Variants in GAS2L3 observed in about 807,000 individuals in gnomAD.
The protein encoded by GAS2L3 is growth arrest specific 2 like 3, also known as GAS2-like protein 3.
GAS2L3 carries 28 observed loss-of-function variants against 37.0 expected under a neutral mutation model. That is an observed-to-expected ratio of 0.76 (90% confidence interval 0.56 to 1.04). The LOEUF is 1.04. GAS2L3 is among the 50% of genes least tolerant of loss of function. The probability of loss-of-function intolerance (pLI) is 0.00; values close to 1 mark genes in which losing one functional copy is unlikely to be tolerated. For missense variants in GAS2L3, 793 were observed against 817.6 expected, an observed-to-expected ratio of 0.97 and a Z score of 0.37; for synonymous variants, 290 against 296.6, an observed-to-expected ratio of 0.98 and a Z score of 0.23.
rs761573279 is a variant in GAS2L3, at chr12:100,594,927, GTTTT to G, written c.18+9_18+12del. ...ACTATGCAGCCTGCAATTCAAGTAAGTTTTTTTCTTGGAAACAATATTTAAATTA... is the reference window on the plus strand; with the variant it reads ...ACTATGCAGCCTGCAATTCAAGTAAGTTTCTTGGAAACAATATTTAAATTA... On this transcript the variant is annotated splice_donor_region_variant and intron_variant, in intron 3 of 9. Coordinates refer to ENST00000547754, the MANE Select transcript of GAS2L3 (RefSeq NM_174942.3). 4 of 1,331,540 alleles carry G rather than the reference GTTTT, an allele frequency of 3.0e-6. No individual in the cohort carries two copies. Among genetic ancestry groups the G allele is most frequent in the Non-Finnish European group, 4.1e-6 (4 of 974,556 alleles). 82.5% of individuals were successfully genotyped at this position (1,331,540 alleles called of 1,614,324 possible). A position where few individuals can be genotyped will look rare whatever the true frequency, so the allele number is the denominator to read the frequency against.
At chr12:100,613,256 A>T (rs1956147550) in intron 6 of GAS2L3, among the ~76,000 whole-genome samples, 1 of 152,216 alleles carries the variant, frequency 6.6e-6, no homozygotes. Context: ...CCTGAAGGTC[A>T]GTATAGGACT....
intron 1 of GAS2L3, among the ~76,000 whole-genome samples, chr12:100,585,144 C>T (rs1390435974): frequency 4.6e-5 from 7 of 150,834 alleles, no homozygotes; most frequent in Non-Finnish European, 8.8e-5. Context: ...CATGATCTGC[C>T]TGCCTTGGCC....
intron 3 of GAS2L3, 54 bp downstream of exon 3, chr12:100,594,976 C>A: frequency 3.7e-6 from 3 of 804,096 alleles, no homozygotes; most frequent in Non-Finnish European, 5.7e-6. Context: ...TATAATTGAA[C>A]TGTAATAATT....
At chr12:100,579,020 C>T (rs1955674063) in intron 1 of GAS2L3, 4 of 812,000 alleles carry the variant, frequency 4.9e-6, no homozygotes, top group South Asian at 2.7e-5. Context: ...CTATTACTTG[C>T]CTCTGAAAGT....
intron 1 of GAS2L3, among the ~76,000 whole-genome samples, chr12:100,587,226 A>G (rs1346675590): frequency 6.6e-6 from 1 of 152,228 alleles, no homozygotes; most frequent in South Asian, 2.1e-4. Context: ...AACTCATTCT[A>G]TGTAGCCAGC....
At chr12:100,607,829 T>C (rs1373721734) in intron 5 of GAS2L3, among the ~76,000 whole-genome samples, 1 of 152,162 alleles carries the variant, frequency 6.6e-6, no homozygotes, top group Non-Finnish European at 1.5e-5. Flanking sequence ...CTCTGTGTTA[T>C]CTTGAATTTA....
intron 3 of GAS2L3, among the ~76,000 whole-genome samples, chr12:100,595,776 G>A (rs559700205): frequency 6.6e-6 from 1 of 152,034 alleles, no homozygotes; most frequent in Non-Finnish European, 1.5e-5. Flanking sequence ...TAACTTGAGG[G>A]TAGTTTTGAG....
intron 1 of GAS2L3, among the ~76,000 whole-genome samples, chr12:100,584,935 C>G (rs1955760671): frequency 7.8e-6 from 1 of 127,678 alleles, no homozygotes; most frequent in Non-Finnish European, 1.6e-5. Context: ...GTTGCCTAGG[C>G]TGGAGTGCTG....
chr12:100,590,220 G>GA (rs1430427498), intron 1 of GAS2L3, among the ~76,000 whole-genome samples: 1 of 152,040 alleles, frequency 6.6e-6, no homozygotes, highest in African/African-American at 2.4e-5. Flanking sequence ...AAATCAGTAA[G>GA]AAAAACCCAA....
intron 1 of GAS2L3, among the ~76,000 whole-genome samples, chr12:100,582,085 A>G (rs1211286163): frequency 2.0e-5 from 3 of 152,252 alleles, no homozygotes; most frequent in Admixed American, 6.5e-5. Flanking sequence ...AAGCTTTTCA[A>G]TCACCTGGGT....
chr12:100,613,258 T>C (rs1282059983), intron 6 of GAS2L3, among the ~76,000 whole-genome samples: 2 of 152,220 alleles, frequency 1.3e-5, no homozygotes, highest in East Asian at 3.8e-4. Context: ...TGAAGGTCAG[T>C]ATAGGACTAA....
rs1956312789 is a variant in GAS2L3 at position 100,624,741 on chromosome 12, C to G, written c.1936C>G (p.Pro646Ala). 6.2e-7 allele frequency: 1 copy of G among 1,613,796 alleles called. No homozygotes were observed. The highest frequency in any genetic ancestry group is 1.3e-5 in the African/African-American group (1 of 74,840). ...AKSQHSTKGPPRSGKTPASIR... is the reference protein window; with the variant it reads ...AKSQHSTKGPARSGKTPASIR... ...GAGCCAGCATTCAACTAAAGGGCCT[C>G]CCAGAAGTGGCAAAACCCCAGCTTC... Residue 646 changes from proline (P) to alanine (A), a missense_variant, in exon 10 of 10, where the codon CCC becomes GCC. Pro to Ala is a conservative substitution (Grantham distance 27). Transcript: ENST00000547754.
intron 8 of GAS2L3, among the ~76,000 whole-genome samples, chr12:100,621,876 G>T (rs571068478): frequency 1.7e-5 from 2 of 117,468 alleles, no homozygotes; most frequent in African/African-American, 7.0e-5. Context: ...AGGGAGGGTG[G>T]GGGGGGGAGA....
In GAS2L3 at chr12:100,612,089, G is replaced by T. The variant is rs1256778038; in HGVS notation, c.393G>T (p.Trp131Cys). 1.2e-6 allele frequency: 2 copies of T among 1,612,528 alleles called. No individual in the cohort carries two copies. The highest frequency in any genetic ancestry group is 1.3e-5 in the African/African-American group (1 of 74,886). The change falls in exon 6 of 10, where the codon TGG becomes TGT. Residue 131 changes from tryptophan (W) to cysteine (C), a missense_variant. Trp to Cys is a radical substitution (Grantham distance 215). Coordinates refer to ENST00000547754, the MANE Select transcript of GAS2L3 (RefSeq NM_174942.3). ...ARDNTANFLH[W>C]CRDIGVDETY... is the part of the protein sequence containing the mutation. ...ACAATACCGCAAACTTCCTTCACTG[G>T]TGTAGGGACATTGGGGTTGATGAAA...
intron 3 of GAS2L3, among the ~76,000 whole-genome samples, chr12:100,599,729 A>G (rs1267532499): frequency 6.6e-6 from 1 of 152,230 alleles, no homozygotes; most frequent in Non-Finnish European, 1.5e-5. Context: ...CAGATGCTAC[A>G]AACATGTATT....
chr12:100,575,476 ATTTTTTTT>A (rs58446699), intron 1 of GAS2L3, among the ~76,000 whole-genome samples: 26 of 88,788 alleles, frequency 2.9e-4, no homozygotes, highest in Admixed American at 9.2e-4. Flanking sequence ...TGTTATCTCT[ATTTTTTTT>A]TTTTTTTTTT....
At chr12:100,591,529 G>T (rs1955846454) in intron 1 of GAS2L3, among the ~76,000 whole-genome samples, 1 of 152,078 alleles carries the variant, frequency 6.6e-6, no homozygotes, top group South Asian at 2.1e-4. Flanking sequence ...TCCAAATTAT[G>T]CCTAATGATA....
rs779549304 is a variant in GAS2L3 at position 100,624,636 on chromosome 12, AC to A, written c.1835del (p.Pro612HisfsTer5). 8.7e-6 allele frequency: 14 copies of A among 1,614,054 alleles called. No homozygotes were observed. The highest frequency in any genetic ancestry group is 2.2e-5 in the South Asian group (2 of 91,076). ...GPSSLKSPGR[T>X]PLSIVSLPQS... ...CAGCTCCTTGAAGTCTCCTGGCCGT[AC>A]CCCACTGTCCATCGTGAGCCTACCC... On this transcript the variant is annotated frameshift_variant, in exon 10 of 10. Coordinates refer to ENST00000547754, the MANE Select transcript of GAS2L3 (RefSeq NM_174942.3). LOFTEE classifies it low-confidence loss of function (END_TRUNC).
At chr12:100,593,565 GCTTT>G (rs1955872683) in intron 2 of GAS2L3, 1 of 152,006 alleles carries the variant, frequency 6.6e-6, no homozygotes, top group South Asian at 2.1e-4. Flanking sequence ...TATAATTTAG[GCTTT>G]CTTTTGTTTT....
Sources: allele counts gnomAD v4.1 joint callset (sites outside exome capture counted in the v4.1 genomes callset), GRCh38; gene constraint gnomAD v4.1.1; transcripts MANE v1.5; gene names NCBI Gene and HGNC (gene_info 2026-07-23, HGNC 2026-07-21).